LRRC53: variants seen among roughly 807,000 people sequenced by gnomAD.
LRRC53 encodes leucine-rich repeat-containing protein 53.
LRRC53 carries 25 observed loss-of-function variants against 13.6 expected under a neutral mutation model. The observed-to-expected ratio is 1.83, with a 90% CI of 1.34 to 2.56. The LOEUF is 2.56. Among genes scored for constraint, LRRC53 ranks in the 30% most tolerant of loss-of-function variants. The probability of loss-of-function intolerance (pLI) is 0.00; values close to 1 mark genes in which losing one functional copy is unlikely to be tolerated. For synonymous variants in LRRC53, 204 were observed against 109.8 expected (o/e 1.86, Z -5.37); for missense variants, 527 against 275.8 (o/e 1.91, Z -6.45).
At position 74,480,560 on chromosome 1, in the gene LRRC53, T is replaced by C; in HGVS notation, c.497A>G (p.Asn166Ser). The C allele has an allele frequency of 2.8e-6, 2 of 717,410 alleles. No homozygotes were observed. The highest frequency in any genetic ancestry group is 2.6e-6 in the Non-Finnish European group (1 of 385,094). 44.4% of individuals were successfully genotyped at this position (717,410 alleles called of 1,614,324 possible). A position where few individuals can be genotyped will look rare whatever the true frequency, so the allele number is the denominator to read the frequency against. Residue 166 changes from asparagine to serine, a missense_variant, in exon 3 of 5, where the codon AAC (asparagine) becomes AGC (serine). Transcript: ENST00000294635. ...TTTCCCAATGTAGGAAATAAAATTG[T>C]TGGATAAATCCAGATACCTGAGACT... ...LHSLRYLDLS[N>S]NFISYIGKDA...
upstream of LRRC53, among the ~76,000 whole-genome samples, chr1:74,517,202 A>C (rs6691271): frequency 2.0e-5 from 3 of 152,140 alleles, no homozygotes; most frequent in Admixed American, 6.5e-5. Flanking sequence ...TTAAAAAAAA[A>C]GGTTAATAAC....
At chr1:74,484,239 A>G (rs1668643551) in intron 1 of LRRC53, among the ~76,000 whole-genome samples, 1 of 151,084 alleles carries the variant, frequency 6.6e-6, no homozygotes, top group Non-Finnish European at 1.5e-5. Context: ...GGAGCAAATT[A>G]TAATAAAACC....
rs1486708015 is a variant in LRRC53, at chr1:74,470,736, T to G, written c.2886A>C (p.Ala962=). The change falls in exon 5 of 5, where the codon GCA becomes GCC. Residue 962 remains alanine (A), a synonymous_variant. Transcript: ENST00000294635. ...LQHREQNSSH[A]QLENKEKTLM... ...ATGTTTTTTCTTTATTTTCAAGCTG[T>G]GCATGACTTGAATTTTGCTCTCTGT... The G allele has an allele frequency of 1.7e-4, 67 of 400,634 alleles. No individual in the cohort carries two copies. Among genetic ancestry groups the G allele is most frequent in the Non-Finnish European group, 4.4e-6 (1 of 226,196 alleles). The allele number at this position is 400,634 out of a possible 1,614,324, so 24.8% of individuals were successfully genotyped here.
the LRRC53 span, among the ~76,000 whole-genome samples, chr1:74,536,068 C>T: frequency 6.6e-6 from 1 of 152,056 alleles, no homozygotes; most frequent in Non-Finnish European, 1.5e-5. Flanking sequence ...TAAATCATTC[C>T]TTTCTGAAGC....
At chr1:74,521,994 A>G in the LRRC53 span, among the ~76,000 whole-genome samples, 1 of 152,170 alleles carries the variant, frequency 6.6e-6, no homozygotes, top group South Asian at 2.1e-4. Context: ...GTAGAGTAAA[A>G]AAAATTCAGA....
intron 1 of LRRC53, among the ~76,000 whole-genome samples, chr1:74,499,969 TTCTA>T (rs1332420758): frequency 1.3e-5 from 2 of 152,046 alleles, no homozygotes; most frequent in African/African-American, 4.8e-5. Context: ...CACCCTATCT[TTCTA>T]TCTTTTTTCC....
intron 1 of LRRC53, among the ~76,000 whole-genome samples, chr1:74,486,517 T>TC (rs1363364801): frequency 6.6e-6 from 1 of 150,656 alleles, no homozygotes. Flanking sequence ...CTTTTTTTTT[T>TC]TTTGCCTCTG....
Position 74,501,353 on chromosome 1 carries a change from A to T in LRRC53, c.-27+11173T>A, listed in dbSNP as rs1041328638. 1.3e-5 allele frequency among the ~76,000 whole-genome samples: 2 copies of T among 152,164 alleles called. 1 individual carries two copies. Among genetic ancestry groups the T allele is most frequent in the African/African-American group, 4.8e-5 (2 of 41,434 alleles). Reference sequence around the variant, plus strand: ...CATTTACAATTTTACAGGAGAGTTTAAAAAAAGCTGTAGACCTGCTCCATA... The same window carrying T: ...CATTTACAATTTTACAGGAGAGTTTTAAAAAAGCTGTAGACCTGCTCCATA... On this transcript the variant is annotated intron_variant, in intron 1 of 4. Coordinates refer to ENST00000294635, the MANE Select transcript of LRRC53 (RefSeq NM_001382280.1).
intron 1 of LRRC53, among the ~76,000 whole-genome samples, chr1:74,493,573 T>A (rs981479770): frequency 2.0e-5 from 3 of 152,208 alleles, no homozygotes; most frequent in African/African-American, 7.2e-5. Context: ...TAATTCCGTA[T>A]AATAACCCAT....
chr1:74,529,974 C>G, the LRRC53 span, among the ~76,000 whole-genome samples: 1 of 151,876 alleles, frequency 6.6e-6, no homozygotes, highest in South Asian at 2.1e-4. Context: ...GGGTTTTTTT[C>G]CTTGTTTTGA....
chr1:74,532,454 A>C, the LRRC53 span, among the ~76,000 whole-genome samples: 1 of 109,660 alleles, frequency 9.1e-6, no homozygotes, highest in African/African-American at 4.3e-5. Context: ...TGCTATTATT[A>C]TTTTTTTCTT....
chr1:74,500,929 T>A lies in LRRC53; in HGVS notation c.-27+11597A>T, dbSNP rs540702938. ...TCTTTGGTATCCTACAGTTTAATTA[T>A]GTTGTGTATAGATATAAATTTATGT... is the stretch of plus-strand genomic sequence containing the variant. On this transcript the variant is annotated intron_variant, in intron 1 of 4. Coordinates refer to ENST00000294635, the MANE Select transcript of LRRC53 (RefSeq NM_001382280.1). Among the ~76,000 whole-genome samples, 11 of 152,228 alleles carry A rather than the reference T, an allele frequency of 7.2e-5. 1 individual carries two copies. The South Asian group carries it at 1.9e-3, about 26-fold the overall frequency.
the LRRC53 span, among the ~76,000 whole-genome samples, chr1:74,534,971 G>A: frequency 9.2e-5 from 14 of 152,176 alleles, no homozygotes; most frequent in African/African-American, 3.4e-4. Flanking sequence ...TTAGACAAAA[G>A]CTACTAACAG....
intron 1 of LRRC53, among the ~76,000 whole-genome samples, chr1:74,506,192 A>G (rs746587231): frequency 2.1e-4 from 32 of 152,368 alleles, no homozygotes; most frequent in Non-Finnish European, 4.0e-4. Context: ...GATCTGTGAC[A>G]TAGAACAGAA....
chr1:74,479,941 C>A (rs934458124), intron 3 of LRRC53, among the ~76,000 whole-genome samples: 1 of 152,218 alleles, frequency 6.6e-6, no homozygotes, highest in Non-Finnish European at 1.5e-5. Context: ...GAATTCTGGT[C>A]CAGGGCCCTT....
intron 2 of LRRC53, among the ~76,000 whole-genome samples, chr1:74,482,373 G>A (rs1235857899): frequency 6.6e-6 from 1 of 152,202 alleles, no homozygotes; most frequent in Admixed American, 6.5e-5. Context: ...GTTTCTTACA[G>A]ACATCAACTG....
At chr1:74,502,920 C>T (rs1669708738) in intron 1 of LRRC53, among the ~76,000 whole-genome samples, 1 of 152,190 alleles carries the variant, frequency 6.6e-6, no homozygotes, top group Non-Finnish European at 1.5e-5. Context: ...AAAGTAGCGA[C>T]AACCAATCAG....
chr1:74,491,995 A>G (rs1434845043), intron 1 of LRRC53: 4 of 1,367,482 alleles, frequency 2.9e-6, no homozygotes, highest in Non-Finnish European at 3.8e-6. Context: ...AGAAATTAAA[A>G]TATGGGAAAC....
intron 4 of LRRC53, 117 bp downstream of exon 4, chr1:74,475,178 A>G: frequency 1.7e-6 from 1 of 574,232 alleles, no homozygotes; most frequent in South Asian, 2.5e-5. Context: ...GAAAAGGAAT[A>G]GACTAGTGCT....
Sources: allele counts gnomAD v4.1 joint callset (sites outside exome capture counted in the v4.1 genomes callset), GRCh38; gene constraint gnomAD v4.1.1; transcripts MANE v1.5; gene names NCBI Gene and HGNC (gene_info 2026-07-23, HGNC 2026-07-21).